The following NEK10 variants were observed in gnomAD, a reference collection of about 807,000 sequenced individuals.
NEK10 encodes NIMA related kinase 10, also known as serine/threonine-protein kinase Nek10.
Under a neutral mutation model 159.8 loss-of-function variants are expected in NEK10, and 122 were observed. That is an observed-to-expected ratio of 0.76 (90% confidence interval 0.66 to 0.89). The LOEUF (loss-of-function observed/expected upper bound fraction) is 0.89. NEK10 is among the 40% of genes least tolerant of loss of function. The pLI is 0.00. For synonymous variants in NEK10, 466 were observed against 457.1 expected (o/e 1.02, Z -0.25); for missense variants, 1,342 against 1,323.1 (o/e 1.01, Z -0.22).
intron 29 of NEK10, among the ~76,000 whole-genome samples, chr3:27,169,097 T>G (rs907490604): frequency 2.6e-5 from 4 of 152,142 alleles, no homozygotes; most frequent in African/African-American, 9.7e-5. Context: ...AAAAAAATAG[T>G]AGAATTATTT....
chr3:27,293,506 C>T lies in NEK10; in HGVS notation c.1373+82G>A, dbSNP rs919514933. On this transcript the variant is annotated intron_variant, in intron 16 of 35. Coordinates refer to ENST00000691995, the MANE Select transcript of NEK10 (RefSeq NM_001394966.1). Reference sequence around the variant, plus strand: ...CTGACGCATTATTTTCCTTCTGTTGCATCTAAGCCAAGTATGTGAAAACAG... The same window carrying T: ...CTGACGCATTATTTTCCTTCTGTTGTATCTAAGCCAAGTATGTGAAAACAG... The T allele has an allele frequency of 2.0e-5, 13 of 661,546 alleles. No individual in the cohort carries two copies. In the Admixed American group the frequency reaches 2.7e-4, roughly 14 times the overall value. The allele number at this position is 661,546 out of a possible 1,614,324, so 41.0% of individuals were successfully genotyped here.
In NEK10 at chr3:27,254,918, T is replaced by TACACACACACAC. The variant is rs3035705; in HGVS notation, c.2090+1366_2090+1377dup. Among the ~76,000 whole-genome samples the TACACACACACAC allele has an allele frequency of 9.7e-4, 137 of 141,884 alleles. 2 individuals carry two copies. Among genetic ancestry groups the TACACACACACAC allele is most frequent in the African/African-American group, 3.1e-3 (123 of 39,220 alleles). 93.1% of individuals were successfully genotyped at this position (141,884 alleles called of 152,430 possible). A position where few individuals can be genotyped will look rare whatever the true frequency, so the allele number is the denominator to read the frequency against. ...TTCTATGGATTCTGTCTCTTTCTCT[T>TACACACACACAC]ACACACACACACACACACACACACA... is the stretch of plus-strand genomic sequence containing the variant. On this transcript the variant is annotated intron_variant, in intron 23 of 35. Coordinates refer to ENST00000691995, the MANE Select transcript of NEK10 (RefSeq NM_001394966.1).
At chr3:27,314,213 C>T in intron 7 of NEK10, 84 bp downstream of exon 7, 1 of 970,370 alleles carries the variant, frequency 1.0e-6, no homozygotes, top group Non-Finnish European at 1.6e-6. Flanking sequence ...GGAAAGCCAC[C>T]TTCTGTCACA....
In NEK10 at chr3:27,352,500, GA is replaced by G; in HGVS notation, c.96del (p.Arg33GlyfsTer4). ...CTTGATTGGACGTTCAAAAGGCACC[GA>G]AGTCTTTTAAGATCTGAATAGTCCC... ...TIRDYSDLKR[L>X]RCLLNVQSSK... On this transcript the variant is annotated frameshift_variant, in exon 3 of 36. Transcript: ENST00000691995. LOFTEE classifies it high-confidence loss of function. 1 of 1,611,140 alleles carries G rather than the reference GA, an allele frequency of 6.2e-7. No individual in the cohort carries two copies. The highest frequency in any genetic ancestry group is 1.3e-5 in the African/African-American group (1 of 74,948).
At chr3:27,248,612 C>A (rs1017681458) in intron 23 of NEK10, among the ~76,000 whole-genome samples, 19 of 152,226 alleles carry the variant, frequency 1.2e-4, no homozygotes, top group Non-Finnish European at 2.5e-4. Flanking sequence ...TTCATTGACC[C>A]ACTGGTCATT....
At chr3:27,197,614 G>A (rs1191721246) in intron 25 of NEK10, among the ~76,000 whole-genome samples, 3 of 152,076 alleles carry the variant, frequency 2.0e-5, no homozygotes, top group Admixed American at 6.6e-5. Context: ...TTGCACATTG[G>A]TTTTGTATCC....
At chr3:27,300,173 C>T (rs543109362) in intron 13 of NEK10, among the ~76,000 whole-genome samples, 77 of 152,262 alleles carry the variant, frequency 5.1e-4, no homozygotes, top group African/African-American at 1.8e-3. Flanking sequence ...ATGGGAGGAA[C>T]CCAGTGAGAG....
intron 23 of NEK10, among the ~76,000 whole-genome samples, chr3:27,229,109 C>T (rs1952948807): frequency 6.6e-6 from 1 of 152,132 alleles, no homozygotes; most frequent in Non-Finnish European, 1.5e-5. Context: ...ATAAAGTTTG[C>T]ACCTCAAGAG....
intron 30 of NEK10, among the ~76,000 whole-genome samples, chr3:27,156,929 G>GATACATATAT (rs1553647311): frequency 8.8e-4 from 25 of 28,340 alleles, no homozygotes; most frequent in Admixed American, 2.6e-3. Flanking sequence ...TAAAGAAACT[G>GATACATATAT]ATATATATAT....
intron 6 of NEK10, among the ~76,000 whole-genome samples, chr3:27,319,748 G>A (rs563823307): frequency 2.0e-5 from 3 of 151,604 alleles, no homozygotes; most frequent in African/African-American, 4.8e-5. Context: ...GTAGAGTTGC[G>A]GGATAACCCA....
chr3:27,186,227 C>T (rs1157084576), intron 26 of NEK10, among the ~76,000 whole-genome samples: 1 of 152,182 alleles, frequency 6.6e-6, no homozygotes, highest in Non-Finnish European at 1.5e-5. Context: ...GAAACACATC[C>T]CAACATATTT....
chr3:27,334,110 G>A (rs1466925448), intron 5 of NEK10, among the ~76,000 whole-genome samples: 1 of 152,112 alleles, frequency 6.6e-6, no homozygotes, highest in Non-Finnish European at 1.5e-5. Context: ...AGGGCCAGGG[G>A]ATTGCCCAGC....
chr3:27,127,104 G>A (rs957884884), intron 32 of NEK10, among the ~76,000 whole-genome samples: 1 of 151,912 alleles, frequency 6.6e-6, no homozygotes, highest in Non-Finnish European at 1.5e-5. Flanking sequence ...TGAATTCCAC[G>A]TACCCGTCAC....
intron 23 of NEK10, among the ~76,000 whole-genome samples, chr3:27,217,101 G>A (rs1400900658): frequency 1.3e-5 from 2 of 152,138 alleles, no homozygotes; most frequent in Admixed American, 6.5e-5. Flanking sequence ...CAATGAAAAT[G>A]ATGACTAACC....
intron 21 of NEK10, 57 bp downstream of exon 21, chr3:27,284,783 G>A: frequency 6.5e-7 from 1 of 1,549,200 alleles, no homozygotes; most frequent in Non-Finnish European, 8.9e-7. Context: ...ACGTCTTTAA[G>A]AAGCCAGCTC....
intron 25 of NEK10, among the ~76,000 whole-genome samples, chr3:27,198,742 C>T (rs917618119): frequency 6.6e-6 from 1 of 152,008 alleles, no homozygotes; most frequent in Non-Finnish European, 1.5e-5. Flanking sequence ...TAGGCACAGG[C>T]AAAGATTTCA....
rs746964858 is a variant in NEK10 at position 27,134,789 on chromosome 3, A to G, written c.2971-2799T>C. Among the ~76,000 whole-genome samples, 8 of 152,298 alleles carry G rather than the reference A, an allele frequency of 5.3e-5. No homozygotes were observed. In the South Asian group the frequency reaches 1.7e-3, roughly 32 times the overall value. Reference sequence around the variant, plus strand: ...AAGTTTTTTCATACAAGAATTTAAAATTTTACACAAAATGATGACTCATGC... The same window carrying G: ...AAGTTTTTTCATACAAGAATTTAAAGTTTTACACAAAATGATGACTCATGC... On this transcript the variant is annotated intron_variant, in intron 31 of 35. Coordinates refer to ENST00000691995, the MANE Select transcript of NEK10 (RefSeq NM_001394966.1).
intron 9 of NEK10, 86 bp downstream of exon 9, chr3:27,310,863 G>A: frequency 2.5e-6 from 2 of 785,436 alleles, no homozygotes; most frequent in African/African-American, 1.7e-5. Flanking sequence ...AATTACACAT[G>A]ACTTAACCGC....
At chr3:27,249,188 G>C (rs1955407091) in intron 23 of NEK10, among the ~76,000 whole-genome samples, 1 of 152,170 alleles carries the variant, frequency 6.6e-6, no homozygotes, top group Admixed American at 6.5e-5. Flanking sequence ...TAAAGAAGGA[G>C]CCTTGCTTCC....
Sources: gnomAD v4.1 joint callset for allele counts (sites outside exome capture counted in the v4.1 genomes callset) on GRCh38, gnomAD v4.1.1 for gene constraint, MANE v1.5 for transcripts, NCBI Gene and HGNC (gene_info 2026-07-23, HGNC 2026-07-21) for gene names.